The following IL7R variants were observed in gnomAD, a reference collection of about 807,000 sequenced individuals.
IL7R encodes interleukin-7 receptor subunit alpha.
In IL7R, 38 loss-of-function variants were observed where a neutral mutation model predicts 47.0. The ratio of observed to expected loss-of-function variants is 0.81; its 90% CI spans 0.62 to 1.06. The LOEUF is 1.06. Among genes scored for constraint, IL7R ranks in the 50% least tolerant of loss-of-function variants. IL7R has a pLI of 0.00. For synonymous variants in IL7R, 221 were observed against 199.8 expected (o/e 1.11, Z -0.89); for missense variants, 633 against 534.8 (o/e 1.18, Z -1.81).
chr5:35,856,974 C>A lies in IL7R; in HGVS notation c.-4C>A. 6.4e-7 allele frequency: 1 copy of A among 1,567,042 alleles called. No individual in the cohort carries two copies. On this transcript the variant is annotated 5_prime_UTR_variant, in exon 1 of 8. Coordinates refer to ENST00000303115, the MANE Select transcript of IL7R (RefSeq NM_002185.5). ...ATCTACTCTCTCTCTCTATCTCTCT[C>A]AGAATGACAATTCTAGGTACAACTT...
intron 4 of IL7R, 68 bp downstream of exon 4, chr5:35,871,281 T>C (rs1760070480): frequency 1.5e-6 from 2 of 1,328,110 alleles, no homozygotes; most frequent in Non-Finnish European, 2.1e-6. Flanking sequence ...GGCCTAGTAG[T>C]GCATTTCCCC....
intron 2 of IL7R, among the ~76,000 whole-genome samples, chr5:35,866,198 T>G (rs978735173): frequency 3.9e-5 from 6 of 152,206 alleles, no homozygotes; most frequent in East Asian, 1.9e-4. Flanking sequence ...TGTCTTCTAG[T>G]CTGTTAACAT....
chr5:35,875,940 T>A, intron 7 of IL7R, 43 bp from the exon 8 acceptor site: 1 of 1,598,678 alleles, frequency 6.3e-7, no homozygotes, highest in Non-Finnish European at 8.5e-7. Context: ...ATGGTGTGTC[T>A]CTCTGGTGCC....
At chr5:35,865,065 C>T (rs1017406174) in intron 2 of IL7R, among the ~76,000 whole-genome samples, 1 of 152,112 alleles carries the variant, frequency 6.6e-6, no homozygotes, top group Non-Finnish European at 1.5e-5. Context: ...CACCGATTAA[C>T]TCGTCATTTA....
chr5:35,863,668 T>C (rs146433829), intron 2 of IL7R, among the ~76,000 whole-genome samples: 128 of 152,292 alleles, frequency 8.4e-4, no homozygotes, highest in African/African-American at 3.0e-3. Flanking sequence ...TTTGACCCAG[T>C]TATACCTCTT....
chr5:35,874,585 A>G (rs1257993400), intron 6 of IL7R, 43 bp downstream of exon 6: 1 of 1,381,630 alleles, frequency 7.2e-7, no homozygotes, highest in East Asian at 2.3e-5. Context: ...GTGTGGGATC[A>G]CGGACAGTCA....
intron 1 of IL7R, 79 bp from the exon 2 acceptor site, chr5:35,860,773 A>AT: frequency 7.2e-7 from 1 of 1,390,646 alleles, no homozygotes; most frequent in East Asian, 2.3e-5. Flanking sequence ...AGAGTCTGCT[A>AT]TTTTATTAAG....
In IL7R at chr5:35,878,625, C is replaced by G. The variant is rs908691888; in HGVS notation, c.*2139C>G. The G allele has an allele frequency of 2.1e-5, 5 of 232,582 alleles. No individual in the cohort carries two copies. The highest frequency in any genetic ancestry group is 1.1e-4 in the African/African-American group (5 of 45,300). The allele number at this position is 232,582 out of a possible 1,614,324, so 14.4% of individuals were successfully genotyped here. On this transcript the variant is annotated 3_prime_UTR_variant, in exon 8 of 8. Transcript: ENST00000303115. ...CCTTTTGTAGAAATGGGAGTCAAGTCTCAAATAGGAGGCTCCACAAAATCT... is the reference window on the plus strand; with the variant it reads ...CCTTTTGTAGAAATGGGAGTCAAGTGTCAAATAGGAGGCTCCACAAAATCT...
intron 3 of IL7R, 35 bp from the exon 4 acceptor site, chr5:35,871,021 C>G: frequency 6.3e-7 from 1 of 1,592,818 alleles, no homozygotes; most frequent in Non-Finnish European, 8.6e-7. Context: ...CCTTGGCTGC[C>G]CTTTAGACAG....
At chr5:35,872,205 A>T (rs1760088671) in intron 4 of IL7R, among the ~76,000 whole-genome samples, 1 of 152,178 alleles carries the variant, frequency 6.6e-6, no homozygotes, top group South Asian at 2.1e-4. Flanking sequence ...CAATAAATAC[A>T]TGAATTTTTT....
chr5:35,859,855 T>G (rs1254710370), intron 1 of IL7R, among the ~76,000 whole-genome samples: 1 of 152,184 alleles, frequency 6.6e-6, no homozygotes, highest in Non-Finnish European at 1.5e-5. Flanking sequence ...GAAGCAGTCC[T>G]AGGCTCACAC....
At position 35,876,147 on chromosome 5, in the gene IL7R, C is replaced by G. The variant is rs2149905545; in HGVS notation, c.1041C>G (p.Pro347=). ...KQRLGGDVQS[P]NCPSEDVVIT... The stretch of plus-strand genomic sequence containing the variant: ...GGCTTGGAGGGGATGTGCAGAGCCC[C>G]AACTGCCCATCTGAGGATGTAGTCA... Residue 347 remains proline, a synonymous_variant, in exon 8 of 8, where the codon CCC becomes CCG. Coordinates refer to ENST00000303115, the MANE Select transcript of IL7R (RefSeq NM_002185.5). The G allele has an allele frequency of 6.2e-7, 1 of 1,614,104 alleles. No individual in the cohort carries two copies. Among genetic ancestry groups the G allele is most frequent in the Non-Finnish European group, 8.5e-7 (1 of 1,179,984 alleles).
At position 35,877,685 on chromosome 5, in the gene IL7R, T is replaced by A. The variant is rs901403157; in HGVS notation, c.*1199T>A. On this transcript the variant is annotated 3_prime_UTR_variant, in exon 8 of 8. Transcript: ENST00000303115. ...TGCCACAAACTTCAGGGAGAAAGAG[T>A]TACAAGTACATGCAATGAGTGAACT... 1 of 233,248 alleles carries A rather than the reference T, an allele frequency of 4.3e-6. No individual in the cohort carries two copies. Among genetic ancestry groups the A allele is most frequent in the Non-Finnish European group, 8.5e-6 (1 of 118,082 alleles). 14.4% of individuals were successfully genotyped at this position (233,248 alleles called of 1,614,324 possible).
chr5:35,867,398 G>C lies in IL7R; in HGVS notation c.314G>C (p.Ser105Thr). ...AAGAAATTCTTACTGATTGGAAAGAGCAATATATGTGTGAAGGTTGGAGAA... is the reference window on the plus strand; with the variant it reads ...AAGAAATTCTTACTGATTGGAAAGACCAATATATGTGTGAAGGTTGGAGAA... ...ETKKFLLIGK[S>T]NICVKVGEKS... Residue 105 changes from serine (S) to threonine (T), a missense_variant, in exon 3 of 8, where the codon AGC becomes ACC. Ser to Thr is a moderately conservative substitution (Grantham distance 58). Coordinates refer to ENST00000303115, the MANE Select transcript of IL7R (RefSeq NM_002185.5). 6.2e-7 allele frequency: 1 copy of C among 1,613,182 alleles called. No individual in the cohort carries two copies. The highest frequency in any genetic ancestry group is 8.5e-7 in the Non-Finnish European group (1 of 1,179,284).
intron 3 of IL7R, among the ~76,000 whole-genome samples, chr5:35,870,831 GC>G (rs1478951959): frequency 6.6e-6 from 1 of 152,170 alleles, no homozygotes; most frequent in Non-Finnish European, 1.5e-5. Flanking sequence ...AAGTGGATGT[GC>G]ATTTCTTCTG....
chr5:35,867,448 G>C lies in IL7R; in HGVS notation c.364G>C (p.Asp122His), dbSNP rs1434346021. The C allele has an allele frequency of 1.2e-6, 2 of 1,612,998 alleles. No individual in the cohort carries two copies. Among genetic ancestry groups the C allele is most frequent in the Admixed American group, 3.3e-5 (2 of 59,998 alleles). ...GEKSLTCKKI[D>H]LTTIVKPEAP... Reference sequence around the variant, plus strand: ...AAAGAGTCTAACCTGCAAAAAAATAGACCTAACCACTATAGGTAAGAAGTT... The same window carrying C: ...AAAGAGTCTAACCTGCAAAAAAATACACCTAACCACTATAGGTAAGAAGTT... Residue 122 changes from aspartate (D) to histidine (H), a missense_variant, in exon 3 of 8, where the codon GAC becomes CAC. By Grantham distance (81) the Asp-to-His change is moderately conservative. Transcript: ENST00000303115.
At chr5:35,870,486 A>G (rs9292616) in intron 3 of IL7R, among the ~76,000 whole-genome samples, 108,523 of 152,128 alleles carry the variant, frequency 0.71, 39,744 homozygotes, top group African/African-American at 0.87. Flanking sequence ...TTACAAGAAT[A>G]AAGACTCAGA....
Position 35,874,542 on chromosome 5 carries a change from G to C in IL7R, c.800G>C (p.Arg267Thr). ...VILACVLWKK[R>T]IKPIVWPSLP... ...TTGGCCTGTGTGTTATGGAAAAAAAGGTGACCTTCTTCAACTAATAAAGAG... is the reference window on the plus strand; with the variant it reads ...TTGGCCTGTGTGTTATGGAAAAAAACGTGACCTTCTTCAACTAATAAAGAG... Residue 267 changes from arginine (R) to threonine (T), a missense_variant and splice_region_variant, in exon 6 of 8, where the codon AGG (arginine) becomes ACG (threonine). Transcript: ENST00000303115. 6.2e-7 allele frequency: 1 copy of C among 1,604,734 alleles called. No individual in the cohort carries two copies. Among genetic ancestry groups the C allele is most frequent in the Non-Finnish European group, 8.5e-7 (1 of 1,171,508 alleles).
At chr5:35,861,372 C>A (rs1299310127) in intron 2 of IL7R, among the ~76,000 whole-genome samples, 2 of 152,138 alleles carry the variant, frequency 1.3e-5, no homozygotes, top group Non-Finnish European at 2.9e-5. Flanking sequence ...TGTTTCCAAT[C>A]CCAATACCAG....
Sources: gnomAD v4.1 joint callset for allele counts (sites outside exome capture counted in the v4.1 genomes callset) on GRCh38, gnomAD v4.1.1 for gene constraint, MANE v1.5 for transcripts, NCBI Gene and HGNC (gene_info 2026-07-23, HGNC 2026-07-21) for gene names.